Variants in MARCHF5 observed in about 807,000 individuals in gnomAD.
MARCHF5 encodes E3 ubiquitin-protein ligase MARCHF5.
MARCHF5 carries 5 observed loss-of-function variants against 36.5 expected under a neutral mutation model. The ratio of observed to expected loss-of-function variants is 0.14; its 90% confidence interval spans 0.07 to 0.29. MARCHF5 has a LOEUF of 0.29. Among genes scored for constraint, MARCHF5 ranks in the 10% least tolerant of loss-of-function variants. The pLI, the probability that MARCHF5 is intolerant of heterozygous loss-of-function variation, is 1.00. For missense variants in MARCHF5, 179 were observed against 336.3 expected (o/e 0.53, Z 3.66); for synonymous variants, 103 against 109.9 (o/e 0.94, Z 0.39).
chr10:92,317,124 G>A (rs1044589292), intron 2 of MARCHF5, among the ~76,000 whole-genome samples: 1 of 152,040 alleles, frequency 6.6e-6, no homozygotes, highest in African/African-American at 2.4e-5. Flanking sequence ...ATTATTTTTT[G>A]AGACGGATCT....
chr10:92,339,337 C>A (rs1843546401), intron 2 of MARCHF5, among the ~76,000 whole-genome samples: 1 of 149,982 alleles, frequency 6.7e-6, no homozygotes. Context: ...ACCATTGCAC[C>A]CCAGACTGGG....
intron 1 of MARCHF5, among the ~76,000 whole-genome samples, chr10:92,304,937 T>C (rs759884885): frequency 6.6e-6 from 1 of 152,228 alleles, no homozygotes; most frequent in Non-Finnish European, 1.5e-5. Context: ...CCAGGTTCTT[T>C]AACCAGCTAG....
At position 92,300,099 on chromosome 10, in the gene MARCHF5, T is replaced by G. The variant is rs1361626153; in HGVS notation, c.35+8570T>G. 3.3e-5 allele frequency among the ~76,000 whole-genome samples: 5 copies of G among 151,336 alleles called. No individual in the cohort carries two copies. The East Asian group carries it at 7.8e-4, about 23-fold the overall frequency. On this transcript the variant is annotated intron_variant, in intron 1 of 5. Coordinates refer to ENST00000358935, the MANE Select transcript of MARCHF5 (RefSeq NM_017824.5). ...TCACTTGAGCCTGGGAGATTGAGGC[T>G]GCAGCAAGCCATTATCACATCACTG...
chr10:92,307,618 G>C (rs533669238), intron 1 of MARCHF5, among the ~76,000 whole-genome samples: 40 of 152,102 alleles, frequency 2.6e-4, no homozygotes, highest in African/African-American at 8.7e-4. Flanking sequence ...GGTCATGCCT[G>C]TAATCCCAGC....
At chr10:92,304,171 T>C (rs1270505484) in intron 1 of MARCHF5, among the ~76,000 whole-genome samples, 1 of 152,212 alleles carries the variant, frequency 6.6e-6, no homozygotes, top group African/African-American at 2.4e-5. Flanking sequence ...GGGTGCCAAG[T>C]AGAATTGCTT....
At chr10:92,293,274 T>A (rs1842911974) in intron 1 of MARCHF5, among the ~76,000 whole-genome samples, 1 of 151,944 alleles carries the variant, frequency 6.6e-6, no homozygotes, top group African/African-American at 2.4e-5. Context: ...CCAGCTAATT[T>A]TTTGTATTTT....
At chr10:92,298,015 T>G (rs1590643638) in intron 1 of MARCHF5, among the ~76,000 whole-genome samples, 1 of 152,182 alleles carries the variant, frequency 6.6e-6, no homozygotes, top group East Asian at 1.9e-4. Flanking sequence ...CTGGCCAACA[T>G]GGCGAATCCC....
At chr10:92,340,098 A>G (rs1843560133) in intron 2 of MARCHF5, among the ~76,000 whole-genome samples, 1 of 152,202 alleles carries the variant, frequency 6.6e-6, no homozygotes, top group Admixed American at 6.5e-5. Flanking sequence ...TGATATTCTT[A>G]CTAAATACGA....
chr10:92,315,522 T>C (rs1843199586), intron 2 of MARCHF5, among the ~76,000 whole-genome samples: 1 of 152,228 alleles, frequency 6.6e-6, no homozygotes, highest in Admixed American at 6.5e-5. Flanking sequence ...GAAAATGATA[T>C]GAACACTTCA....
At position 92,304,953 on chromosome 10, in the gene MARCHF5, C is replaced by T. The variant is rs1251923305; in HGVS notation, c.36-6182C>T. 5.3e-5 allele frequency among the ~76,000 whole-genome samples: 8 copies of T among 152,280 alleles called. No homozygotes were observed. In the East Asian group the frequency reaches 1.5e-3, roughly 29 times the overall value. On this transcript the variant is annotated intron_variant, in intron 1 of 5. Transcript: ENST00000358935. ...CAGGTTCTTTAACCAGCTAGAATAT[C>T]CTGAATTCGCATTATCTTTTTCCCC...
At chr10:92,340,254 T>C (rs1191103738) in intron 2 of MARCHF5, among the ~76,000 whole-genome samples, 1 of 152,176 alleles carries the variant, frequency 6.6e-6, no homozygotes, top group African/African-American at 2.4e-5. Flanking sequence ...TAATTTTAGG[T>C]TCAATAATAA....
chr10:92,329,075 G>A (rs1843406767), intron 2 of MARCHF5, among the ~76,000 whole-genome samples: 2 of 151,964 alleles, frequency 1.3e-5, no homozygotes, highest in African/African-American at 4.8e-5. Flanking sequence ...TCACTCTAAT[G>A]TTTTCATTCT....
intron 3 of MARCHF5, among the ~76,000 whole-genome samples, chr10:92,347,101 C>G (rs996059785): frequency 6.6e-6 from 1 of 152,082 alleles, no homozygotes; most frequent in Non-Finnish European, 1.5e-5. Context: ...TCCAGCTACT[C>G]AGGAGGGTGA....
intron 2 of MARCHF5, among the ~76,000 whole-genome samples, chr10:92,326,293 A>C (rs192023857): frequency 6.2e-4 from 94 of 152,278 alleles, no homozygotes; most frequent in African/African-American, 2.2e-3. Context: ...TATGTCGATC[A>C]CTTTGCCTAT....
chr10:92,312,727 T>C (rs1055045657), intron 2 of MARCHF5, among the ~76,000 whole-genome samples: 2 of 152,258 alleles, frequency 1.3e-5, no homozygotes, highest in African/African-American at 4.8e-5. Flanking sequence ...ATGTTTTAGA[T>C]ATTCAAATGG....
At chr10:92,318,085 T>A (rs780195958) in intron 2 of MARCHF5, among the ~76,000 whole-genome samples, 3 of 152,084 alleles carry the variant, frequency 2.0e-5, no homozygotes, top group Non-Finnish European at 2.9e-5. Flanking sequence ...TCTTGGCTAA[T>A]TGCCCTGGTT....
At chr10:92,315,676 A>G (rs1487892953) in intron 2 of MARCHF5, among the ~76,000 whole-genome samples, 3 of 152,214 alleles carry the variant, frequency 2.0e-5, no homozygotes, top group Non-Finnish European at 4.4e-5. Context: ...ATTATCATTT[A>G]TGGCATTCTG....
At chr10:92,348,208 G>T (rs1262435679) in intron 3 of MARCHF5, among the ~76,000 whole-genome samples, 1 of 147,268 alleles carries the variant, frequency 6.8e-6, no homozygotes, top group Non-Finnish European at 1.5e-5. Context: ...AAAATTTTTG[G>T]CCAGGCACGG....
chr10:92,313,569 C>T (rs1843171727), intron 2 of MARCHF5, among the ~76,000 whole-genome samples: 1 of 151,702 alleles, frequency 6.6e-6, no homozygotes, highest in Admixed American at 6.6e-5. Flanking sequence ...AGCGCCACAG[C>T]ACTCCAGCCT....
Sources: allele counts gnomAD v4.1 joint callset (sites outside exome capture counted in the v4.1 genomes callset), GRCh38; gene constraint gnomAD v4.1.1; transcripts MANE v1.5; gene names NCBI Gene and HGNC (gene_info 2026-07-23, HGNC 2026-07-21).